Variants in GRIP2 observed in about 807,000 individuals in gnomAD.
The protein encoded by GRIP2 is glutamate receptor-interacting protein 2.
A neutral mutation model predicts 108.3 loss-of-function variants in GRIP2; 58 were observed. That is an observed-to-expected ratio of 0.54 (90% CI 0.43 to 0.67). GRIP2 has a LOEUF of 0.67. Ranked by LOEUF, GRIP2 falls within the 30% of genes least tolerant of loss-of-function variation. The pLI is 0.00. For missense variants in GRIP2, 1,278 were observed against 1,430.6 expected, an observed-to-expected ratio of 0.89 and a Z score of 1.72; for synonymous variants, 586 against 598.2, an observed-to-expected ratio of 0.98 and a Z score of 0.30.
the GRIP2 span, among the ~76,000 whole-genome samples, chr3:14,589,225 A>G: frequency 6.6e-6 from 1 of 152,180 alleles, no homozygotes; most frequent in Non-Finnish European, 1.5e-5. Flanking sequence ...ATACAAATGT[A>G]CCCATCACTC....
intron 1 of GRIP2, among the ~76,000 whole-genome samples, chr3:14,547,519 G>A (rs943761900): frequency 6.6e-6 from 1 of 152,204 alleles, no homozygotes; most frequent in Non-Finnish European, 1.5e-5. Context: ...AAATAAATAG[G>A]TGCCTCAAAT....
chr3:14,545,352 C>T (rs1022399823), upstream of GRIP2, among the ~76,000 whole-genome samples: 12 of 152,258 alleles, frequency 7.9e-5, no homozygotes, highest in Non-Finnish European at 1.5e-4. Context: ...TGCCTGACAG[C>T]ATCCCCACCC....
chr3:14,573,080 G>T, the GRIP2 span: 1 of 1,393,600 alleles, frequency 7.2e-7, no homozygotes, highest in Non-Finnish European at 1.0e-6. Context: ...AGAGAAAGAG[G>T]CCACTGATGA....
chr3:14,537,009 G>A (rs1694849735), intron 1 of GRIP2, among the ~76,000 whole-genome samples: 1 of 152,150 alleles, frequency 6.6e-6, no homozygotes, highest in Non-Finnish European at 1.5e-5. Context: ...TTTACAGCTG[G>A]GAAAACTGAG....
the GRIP2 span, among the ~76,000 whole-genome samples, chr3:14,581,529 AG>A: frequency 6.6e-6 from 1 of 152,348 alleles, no homozygotes; most frequent in East Asian, 1.9e-4. Context: ...TGACTGGCTG[AG>A]GGACAAGCAC....
At chr3:14,595,352 T>TCA in the GRIP2 span, among the ~76,000 whole-genome samples, 1 of 152,088 alleles carries the variant, frequency 6.6e-6, no homozygotes, top group African/African-American at 2.4e-5. Context: ...GTTTTTTACC[T>TCA]CACACACTCT....
At chr3:14,565,325 CAG>C in the GRIP2 span, among the ~76,000 whole-genome samples, 1 of 152,200 alleles carries the variant, frequency 6.6e-6, no homozygotes. Context: ...CCATTGAAAG[CAG>C]AGTCAGGGCT....
chr3:14,503,090 G>T (rs576049676), intron 21 of GRIP2, among the ~76,000 whole-genome samples: 31 of 152,300 alleles, frequency 2.0e-4, no homozygotes, highest in African/African-American at 7.5e-4. Flanking sequence ...GTTTCCCACA[G>T]CCCCTTATCT....
chr3:14,584,942 C>G, the GRIP2 span, among the ~76,000 whole-genome samples: 1 of 152,226 alleles, frequency 6.6e-6, no homozygotes, highest in Non-Finnish European at 1.5e-5. Context: ...AAGGGGCCAC[C>G]TGCCACCTCT....
upstream of GRIP2, among the ~76,000 whole-genome samples, chr3:14,543,759 G>A (rs1295584052): frequency 6.6e-6 from 1 of 152,236 alleles, no homozygotes; most frequent in African/African-American, 2.4e-5. Flanking sequence ...GCAGCCCAGG[G>A]GAGATGGCAG....
At chr3:14,526,772 C>T (rs1694566013) in intron 1 of GRIP2, among the ~76,000 whole-genome samples, 1 of 152,060 alleles carries the variant, frequency 6.6e-6, no homozygotes, top group Non-Finnish European at 1.5e-5. Flanking sequence ...GTCTTTTTTG[C>T]TTCTTTTGAG....
At position 14,521,615 on chromosome 3, in the gene GRIP2, A is replaced by G; in HGVS notation, c.712+27T>C. The G allele has an allele frequency of 1.3e-6, 2 of 1,583,286 alleles. No individual in the cohort carries two copies. Among genetic ancestry groups the G allele is most frequent in the Non-Finnish European group, 1.7e-6 (2 of 1,162,068 alleles). ...CCATCCCAGGCCTCCTCCTGCCCCAACCCACACACTCAGGCCCCCAACTCA... is the reference window on the plus strand; with the variant it reads ...CCATCCCAGGCCTCCTCCTGCCCCAGCCCACACACTCAGGCCCCCAACTCA... On this transcript the variant is annotated intron_variant, in intron 7 of 23. Transcript: ENST00000621039. The surrounding 1 kb of genome is among the most constrained non-coding windows in gnomAD (Gnocchi z 5.1).
At chr3:14,585,852 CAG>C in the GRIP2 span, among the ~76,000 whole-genome samples, 2 of 152,178 alleles carry the variant, frequency 1.3e-5, no homozygotes, top group African/African-American at 2.4e-5. Context: ...CTAAAGATGA[CAG>C]AGTCAGAGGG....
At chr3:14,582,845 C>T in the GRIP2 span, among the ~76,000 whole-genome samples, 1 of 152,202 alleles carries the variant, frequency 6.6e-6, no homozygotes, top group Non-Finnish European at 1.5e-5. Context: ...GGCTGGCTTG[C>T]CCATTAGAAC....
At position 14,493,436 on chromosome 3, in the gene GRIP2, C is replaced by G; in HGVS notation, c.*229G>C. 1.8e-6 allele frequency: 1 copy of G among 541,068 alleles called. No individual in the cohort carries two copies. Among genetic ancestry groups the G allele is most frequent in the Non-Finnish European group, 3.2e-6 (1 of 311,454 alleles). 33.5% of individuals were successfully genotyped at this position (541,068 alleles called of 1,614,324 possible). A position where few individuals can be genotyped will look rare whatever the true frequency, so the allele number is the denominator to read the frequency against. On this transcript the variant is annotated 3_prime_UTR_variant, in exon 24 of 24. Transcript: ENST00000621039. ...GAGGCTCCTCTGGGCATCTTGGAGA[C>G]CCAACTTGGCGAGAGACCCCAGCTG...
chr3:14,541,276 G>T (rs148272342), upstream of GRIP2, among the ~76,000 whole-genome samples: 4 of 152,364 alleles, frequency 2.6e-5, no homozygotes, highest in Middle Eastern at 3.4e-3. Context: ...CACCAAGAAG[G>T]GTGGGGTGAT....
chr3:14,534,711 C>T (rs1694792215), intron 1 of GRIP2, among the ~76,000 whole-genome samples: 1 of 152,146 alleles, frequency 6.6e-6, no homozygotes, highest in Non-Finnish European at 1.5e-5. Context: ...GTGCTTGGAG[C>T]TCAGACCTGT....
chr3:14,508,581 T>C (rs1041837480), intron 17 of GRIP2, among the ~76,000 whole-genome samples: 1 of 151,912 alleles, frequency 6.6e-6, no homozygotes, highest in East Asian at 1.9e-4. Flanking sequence ...TCCCCAGGGA[T>C]GAGGATAGTG....
At chr3:14,503,721 G>A in intron 20 of GRIP2, 50 bp from the exon 21 acceptor site, 1 of 1,112,648 alleles carries the variant, frequency 9.0e-7, no homozygotes, top group African/African-American at 1.6e-5. Context: ...CGGGTGGGCG[G>A]GCTGGGGCCT....
Sources: allele counts gnomAD v4.1 joint callset (sites outside exome capture counted in the v4.1 genomes callset), GRCh38; gene constraint gnomAD v4.1.1; non-coding constraint Gnocchi (gnomAD v3.1); transcripts MANE v1.5; gene names NCBI Gene and HGNC (gene_info 2026-07-23, HGNC 2026-07-21).